Variants in FGD6 observed in about 807,000 individuals in gnomAD.
FGD6 encodes FYVE, RhoGEF and PH domain containing 6.
A neutral mutation model predicts 149.4 loss-of-function variants in FGD6; 90 were observed. The ratio of observed to expected loss-of-function variants is 0.60; its 90% CI spans 0.51 to 0.72. The LOEUF (loss-of-function observed/expected upper bound fraction) is 0.72. FGD6 is among the 30% of genes least tolerant of loss of function. The pLI, the probability that FGD6 is intolerant of heterozygous loss-of-function variation, is 0.00. For missense variants in FGD6, 1,437 were observed against 1,684.8 expected (o/e 0.85, Z 2.57); for synonymous variants, 527 against 584.0 (o/e 0.90, Z 1.41).
chr12:95,143,170 C>CT (rs1376164394), intron 5 of FGD6, among the ~76,000 whole-genome samples: 9 of 152,112 alleles, frequency 5.9e-5, no homozygotes, highest in African/African-American at 1.7e-4. Flanking sequence ...TTTCCAACTG[C>CT]TTTCCCTTCA....
At chr12:95,202,464 A>C (rs180862464) in intron 2 of FGD6, among the ~76,000 whole-genome samples, 1 of 147,444 alleles carries the variant, frequency 6.8e-6, no homozygotes, top group African/African-American at 2.5e-5. Context: ...AATGAGACCA[A>C]AGTAACACAG....
chr12:95,192,247 G>A (rs952279463), intron 2 of FGD6, among the ~76,000 whole-genome samples: 14 of 152,102 alleles, frequency 9.2e-5, no homozygotes, highest in African/African-American at 3.4e-4. Flanking sequence ...ACAAAGAGCA[G>A]AATGTACATG....
intron 8 of FGD6, among the ~76,000 whole-genome samples, chr12:95,117,740 T>C (rs527850527): frequency 2.6e-5 from 4 of 152,152 alleles, no homozygotes; most frequent in Admixed American, 1.3e-4. Flanking sequence ...TTAATTTTGT[T>C]CTCATATAAA....
chr12:95,078,194 G>T lies in FGD6; in HGVS notation c.*3326C>A. ...GTCTCTTAAAAACTAAAAAGACCTAGGGCAGTATTATGGAAGACAGTGATA... is the reference window on the plus strand; with the variant it reads ...GTCTCTTAAAAACTAAAAAGACCTATGGCAGTATTATGGAAGACAGTGATA... On this transcript the variant is annotated 3_prime_UTR_variant, in exon 21 of 21. Transcript: ENST00000343958. 1 of 152,120 alleles carries T rather than the reference G, an allele frequency of 6.6e-6. No individual in the cohort carries two copies. The highest frequency in any genetic ancestry group is 1.5e-5 in the Non-Finnish European group (1 of 68,034). The allele number at this position is 152,120 out of a possible 1,614,324, so 9.4% of individuals were successfully genotyped here.
At chr12:95,195,026 T>C (rs1881701436) in intron 2 of FGD6, among the ~76,000 whole-genome samples, 1 of 152,196 alleles carries the variant, frequency 6.6e-6, no homozygotes, top group African/African-American at 2.4e-5. Flanking sequence ...CAGCCTCAGA[T>C]AAGGACATAA....
intron 3 of FGD6, among the ~76,000 whole-genome samples, chr12:95,160,259 G>A (rs1380674611): frequency 1.3e-5 from 2 of 151,830 alleles, no homozygotes; most frequent in African/African-American, 2.4e-5. Flanking sequence ...ATAAGAATGG[G>A]CAATAAGTAT....
intron 18 of FGD6, 51 bp downstream of exon 18, chr12:95,089,518 A>G (rs1178179292): frequency 1.3e-6 from 2 of 1,592,992 alleles, no homozygotes; most frequent in Middle Eastern, 3.3e-4. Context: ...TATTATATGC[A>G]TATGAATAAT....
At chr12:95,134,435 C>A (rs1400501308) in intron 8 of FGD6, among the ~76,000 whole-genome samples, 2 of 151,990 alleles carry the variant, frequency 1.3e-5, no homozygotes, top group Non-Finnish European at 2.9e-5. Flanking sequence ...ATAATATTAG[C>A]CAGGTGAAAT....
chr12:95,178,050 C>A (rs1338768342), intron 2 of FGD6, among the ~76,000 whole-genome samples: 1 of 151,934 alleles, frequency 6.6e-6, no homozygotes, highest in African/African-American at 2.4e-5. Context: ...ACAGCATGAG[C>A]CACCGTGCCT....
At chr12:95,107,385 A>G (rs1460548635) in intron 12 of FGD6, among the ~76,000 whole-genome samples, 178 bp downstream of exon 12, 1 of 152,226 alleles carries the variant, frequency 6.6e-6, no homozygotes, top group Non-Finnish European at 1.5e-5. Context: ...TTCTGGTTAT[A>G]CATCATAACA....
intron 14 of FGD6, among the ~76,000 whole-genome samples, chr12:95,095,516 A>G (rs1490103877): frequency 6.6e-6 from 1 of 152,090 alleles, no homozygotes; most frequent in Non-Finnish European, 1.5e-5. Flanking sequence ...GTTAGGTATT[A>G]TAAATAAAAA....
intron 6 of FGD6, 63 bp from the exon 7 acceptor site, chr12:95,137,741 T>C (rs1879713481): frequency 1.7e-6 from 2 of 1,196,572 alleles, no homozygotes; most frequent in South Asian, 1.9e-5. Context: ...TATGCAATGA[T>C]ACGCAGAGTC....
At chr12:95,195,483 A>T (rs1234293556) in intron 2 of FGD6, among the ~76,000 whole-genome samples, 1 of 151,886 alleles carries the variant, frequency 6.6e-6, no homozygotes, top group East Asian at 1.9e-4. Context: ...ATGGACACGT[A>T]CCTACACCTG....
At chr12:95,153,052 A>G in intron 3 of FGD6, 59 bp from the exon 4 acceptor site, 1 of 1,480,254 alleles carries the variant, frequency 6.8e-7, no homozygotes. Context: ...ATCAGCTATG[A>G]GCTAGTCAGA....
intron 14 of FGD6, chr12:95,100,538 A>G (rs765350002): frequency 1.1e-5 from 4 of 357,892 alleles, no homozygotes; most frequent in Non-Finnish European, 2.2e-5. Context: ...AAGGCTCCCA[A>G]CTCGGAGGCT....
intron 5 of FGD6, among the ~76,000 whole-genome samples, chr12:95,151,913 C>T (rs1880320762): frequency 6.6e-6 from 1 of 152,112 alleles, no homozygotes; most frequent in Non-Finnish European, 1.5e-5. Context: ...CCTAAAAGCA[C>T]TTTAACTGTC....
intron 2 of FGD6, chr12:95,189,090 G>A (rs1881520812): frequency 6.6e-6 from 1 of 152,038 alleles, no homozygotes; most frequent in Non-Finnish European, 1.5e-5. Flanking sequence ...TTCACCCTGG[G>A]CATCAGGAAA....
At chr12:95,111,479 G>C (rs143526424) in intron 9 of FGD6, among the ~76,000 whole-genome samples, 30 of 152,276 alleles carry the variant, frequency 2.0e-4, no homozygotes, top group African/African-American at 7.0e-4. Context: ...ACCCAGGACA[G>C]ATGTTTTCTT....
Position 95,176,900 on chromosome 12 carries a change from C to T in FGD6, c.2442-4156G>A, listed in dbSNP as rs189232257. Reference sequence around the variant, plus strand: ...CTGGAGTGCAGTGGTGTGATCTCAGCTCACTGCAACCTCGCCTCCCTAGTT... The same window carrying T: ...CTGGAGTGCAGTGGTGTGATCTCAGTTCACTGCAACCTCGCCTCCCTAGTT... On this transcript the variant is annotated intron_variant, in intron 2 of 20. Transcript: ENST00000343958. Among the ~76,000 whole-genome samples the T allele has an allele frequency of 3.3e-3, 506 of 152,252 alleles. 1 individual carries two copies. The highest frequency in any genetic ancestry group is 0.024 in the Middle Eastern group (7 of 294).
Sources: allele counts gnomAD v4.1 joint callset (sites outside exome capture counted in the v4.1 genomes callset), GRCh38; gene constraint gnomAD v4.1.1; transcripts MANE v1.5; gene names NCBI Gene and HGNC (gene_info 2026-07-23, HGNC 2026-07-21).